Variants in NIF3L1 observed in about 807,000 individuals in gnomAD.
NIF3L1 encodes NIF3-like protein 1.
Under a neutral mutation model 35.0 loss-of-function variants are expected in NIF3L1, and 26 were observed. The ratio of observed to expected loss-of-function variants is 0.74; its 90% CI spans 0.54 to 1.03. NIF3L1 has a LOEUF of 1.03. NIF3L1 is among the 50% of genes least tolerant of loss of function. The probability of loss-of-function intolerance (pLI) is 0.00; values close to 1 mark genes in which losing one functional copy is unlikely to be tolerated. For synonymous variants in NIF3L1, 157 were observed against 178.9 expected (o/e 0.88, Z 0.98); for missense variants, 449 against 466.3 (o/e 0.96, Z 0.34).
chr2:200,892,014 C>G lies in NIF3L1; in HGVS notation c.71C>G (p.Ser24Cys). 6.2e-7 allele frequency: 1 copy of G among 1,614,168 alleles called. No homozygotes were observed. Among genetic ancestry groups the G allele is most frequent in the Non-Finnish European group, 8.5e-7 (1 of 1,179,998 alleles). ...GTAGATTCCCTGATCTGCAATTCTT[C>G]CCGTTCCTTCATGGATTTGAAGGCT... Reference protein sequence around the residue: ...RFVDSLICNSSRSFMDLKALL... With the variant: ...RFVDSLICNSCRSFMDLKALL... The change falls in exon 2 of 7, where the codon TCC (serine) becomes TGC (cysteine). Residue 24 changes from serine (S) to cysteine (C), a missense_variant. By Grantham distance (112) the Ser-to-Cys change is moderately radical. Transcript: ENST00000409020.
In NIF3L1 at chr2:200,903,555, T is replaced by C. The variant is rs1160818535; in HGVS notation, c.1011T>C (p.Cys337=). 3 of 1,614,000 alleles carry C rather than the reference T, an allele frequency of 1.9e-6. No homozygotes were observed. Among genetic ancestry groups the C allele is most frequent in the Admixed American group, 1.7e-5 (1 of 59,996 alleles). Residue 337 remains cysteine (C), a synonymous_variant, in exon 7 of 7, where the codon TGT becomes TGC. Coordinates refer to ENST00000409020, the MANE Select transcript of NIF3L1 (RefSeq NM_001369441.2). The part of the protein sequence containing the change: ...AASQGINVIL[C]EHSNTERGFL... Reference sequence around the variant, plus strand: ...CCCAAGGAATAAATGTCATCCTCTGTGAACACAGCAACACTGAACGAGGCT... The same window carrying C: ...CCCAAGGAATAAATGTCATCCTCTGCGAACACAGCAACACTGAACGAGGCT...
Position 200,892,026 on chromosome 2 carries a change from T to A in NIF3L1, c.83T>A (p.Met28Lys), listed in dbSNP as rs905290484. 19 of 1,614,010 alleles carry A rather than the reference T, an allele frequency of 1.2e-5. No individual in the cohort carries two copies. The highest frequency in any genetic ancestry group is 1.5e-5 in the Non-Finnish European group (18 of 1,179,816). Residue 28 changes from methionine to lysine, a missense_variant, in exon 2 of 7, where the codon ATG becomes AAG. Coordinates refer to ENST00000409020, the MANE Select transcript of NIF3L1 (RefSeq NM_001369441.2). ...SLICNSSRSF[M>K]DLKALLSSLN... Reference sequence around the variant, plus strand: ...ATCTGCAATTCTTCCCGTTCCTTCATGGATTTGAAGGCTCTCCTTTCTTCC... The same window carrying A: ...ATCTGCAATTCTTCCCGTTCCTTCAAGGATTTGAAGGCTCTCCTTTCTTCC...
chr2:200,895,120 T>G (rs2040278804), intron 3 of NIF3L1, 144 bp from the exon 4 acceptor site: 5 of 732,398 alleles, frequency 6.8e-6, no homozygotes, highest in Non-Finnish European at 1.2e-5. Context: ...AGAAAATGGA[T>G]TAGTTTCAGA....
intron 5 of NIF3L1, among the ~76,000 whole-genome samples, chr2:200,898,189 C>T (rs186611743): frequency 7.2e-5 from 11 of 152,234 alleles, no homozygotes; most frequent in African/African-American, 2.2e-4. Flanking sequence ...TTTATTAGTT[C>T]GTTCTCACGC....
intron 1 of NIF3L1, 132 bp from the exon 2 acceptor site, chr2:200,891,786 G>T (rs1056184268): frequency 9.7e-6 from 6 of 619,898 alleles, no homozygotes; most frequent in Non-Finnish European, 1.7e-5. Flanking sequence ...GTTACAGTGT[G>T]CTGGTAAGTG....
At chr2:200,898,035 C>T (rs1437756627) in intron 5 of NIF3L1, among the ~76,000 whole-genome samples, 2 of 152,176 alleles carry the variant, frequency 1.3e-5, no homozygotes, top group Admixed American at 1.3e-4. Flanking sequence ...AAACCTAACT[C>T]AGAAGGTGGT....
rs2040287473 is a variant in NIF3L1 at position 200,895,390 on chromosome 2, G to T, written c.726G>T (p.Lys242Asn). Residue 242 changes from lysine to asparagine, a missense_variant and splice_region_variant, in exon 4 of 7, where the codon AAG becomes AAT. Lys to Asn is a moderately conservative substitution (Grantham distance 94). Coordinates refer to ENST00000409020, the MANE Select transcript of NIF3L1 (RefSeq NM_001369441.2). The part of the protein sequence containing the change: ...YQKTEILSLE[K>N]PLLLHTGMGR... ...AGACGGAAATTCTGTCACTGGAGAAGGTAATAAGAATATTTTGTATTTGAT... is the reference window on the plus strand; with the variant it reads ...AGACGGAAATTCTGTCACTGGAGAATGTAATAAGAATATTTTGTATTTGAT... 1.2e-6 allele frequency: 2 copies of T among 1,613,596 alleles called. 1 individual carries two copies. The highest frequency in any genetic ancestry group is 2.2e-5 in the South Asian group (2 of 91,080).
chr2:200,893,606 C>CT (rs2040244984), intron 3 of NIF3L1, among the ~76,000 whole-genome samples, 198 bp downstream of exon 3: 1 of 152,082 alleles, frequency 6.6e-6, no homozygotes, highest in African/African-American at 2.4e-5. Flanking sequence ...GTAAGTAACA[C>CT]TAAGTATTTT....
chr2:200,902,192 T>A (rs964671375), intron 6 of NIF3L1, among the ~76,000 whole-genome samples: 1 of 152,236 alleles, frequency 6.6e-6, no homozygotes, highest in African/African-American at 2.4e-5. Context: ...TTGTACTTTT[T>A]AAAGAACAAA....
intron 6 of NIF3L1, among the ~76,000 whole-genome samples, chr2:200,902,604 A>G (rs2040426953): frequency 6.6e-6 from 1 of 152,162 alleles, no homozygotes; most frequent in African/African-American, 2.4e-5. Flanking sequence ...AATTCAGAAT[A>G]TGAATTTTCC....
At position 200,893,365 on chromosome 2, in the gene NIF3L1, G is replaced by A. The variant is rs1384494331; in HGVS notation, c.556G>A (p.Val186Met). 1.5e-5 allele frequency: 25 copies of A among 1,613,850 alleles called. No individual in the cohort carries two copies. The highest frequency in any genetic ancestry group is 2.1e-5 in the Non-Finnish European group (25 of 1,179,950). The change falls in exon 3 of 7, where the codon GTG (valine) becomes ATG (methionine). Residue 186 changes from valine (V) to methionine (M), a missense_variant. Coordinates refer to ENST00000409020, the MANE Select transcript of NIF3L1 (RefSeq NM_001369441.2). ...AGACCTGGACAAAGTCATGTCTGCA[G>A]TGAAAGGAATTGACGGTGTTTCTGT... ...TQDLDKVMSA[V>M]KGIDGVSVTS...
Position 200,895,258 on chromosome 2 carries a change from C to T in NIF3L1, c.600-6C>T. 6.2e-7 allele frequency: 1 copy of T among 1,613,456 alleles called. No individual in the cohort carries two copies. The highest frequency in any genetic ancestry group is 8.5e-7 in the Non-Finnish European group (1 of 1,179,546). ...TGTCCTAAATGGAGTGATTTTTCCC[C>T]CCTAGGACTGGTAATGAGGAACAAA... is the stretch of plus-strand genomic sequence containing the variant. On this transcript the variant is annotated splice_region_variant and splice_polypyrimidine_tract_variant and intron_variant, in intron 3 of 6. Transcript: ENST00000409020.
Position 200,892,308 on chromosome 2 carries a change from G to C in NIF3L1, c.365G>C (p.Gly122Ala), listed in dbSNP as rs775102272. Residue 122 changes from glycine to alanine, a missense_variant, in exon 2 of 7, where the codon GGT (glycine) becomes GCT (alanine). By Grantham distance (60) the Gly-to-Ala change is moderately conservative. Transcript: ENST00000409020. ...ATCCGGGCTCTGGAGAACAGAGTCG[G>C]TATCTACTCTCCTCATACAGCCTAT... ...LVIRALENRV[G>A]IYSPHTAYDA... 2.3e-5 allele frequency: 37 copies of C among 1,613,638 alleles called. No homozygotes were observed. The highest frequency in any genetic ancestry group is 3.1e-5 in the Non-Finnish European group (37 of 1,180,032).
At chr2:200,899,154 CACA>C (rs2040369211) in intron 5 of NIF3L1, 2 of 317,820 alleles carry the variant, frequency 6.3e-6, no homozygotes, top group Non-Finnish European at 1.1e-5. Context: ...AAAAAAAAAA[CACA>C]ACAAAGGAAT....
intron 2 of NIF3L1, among the ~76,000 whole-genome samples, chr2:200,892,684 G>A (rs943846433): frequency 1.3e-5 from 2 of 152,188 alleles, no homozygotes; most frequent in African/African-American, 4.8e-5. Flanking sequence ...TGAATTGAAA[G>A]CTCAGGCCTC....
Position 200,890,274 on chromosome 2 carries a change from G to T in NIF3L1, c.-27+622G>T, listed in dbSNP as rs184421429. On this transcript the variant is annotated intron_variant, in intron 1 of 6. Coordinates refer to ENST00000409020, the MANE Select transcript of NIF3L1 (RefSeq NM_001369441.2). Reference sequence around the variant, plus strand: ...TCAGGAGGCTGAGGTGGGAGGATCTGCTTGAGCTCAGGAAGTCGAGGCTGC... The same window carrying T: ...TCAGGAGGCTGAGGTGGGAGGATCTTCTTGAGCTCAGGAAGTCGAGGCTGC... Among the ~76,000 whole-genome samples, 1,466 of 152,222 alleles carry T rather than the reference G, an allele frequency of 9.6e-3. 19 individuals carry two copies. The highest frequency in any genetic ancestry group is 0.034 in the African/African-American group (1,400 of 41,526).
chr2:200,892,487 C>T, intron 2 of NIF3L1, 108 bp downstream of exon 2: 3 of 729,086 alleles, frequency 4.1e-6, no homozygotes, highest in Non-Finnish European at 6.2e-6. Flanking sequence ...GGGCATGATT[C>T]CATTTTTATA....
At chr2:200,891,045 G>A (rs191758779) in intron 1 of NIF3L1, among the ~76,000 whole-genome samples, 13 of 148,104 alleles carry the variant, frequency 8.8e-5, no homozygotes, top group African/African-American at 2.0e-4. Flanking sequence ...TGCAACCTCC[G>A]CCTCCCAGGT....
intron 4 of NIF3L1, 127 bp from the exon 5 acceptor site, chr2:200,896,949 G>C (rs1196209570): frequency 3.4e-6 from 3 of 875,136 alleles, no homozygotes. Context: ...GATTTTGTCA[G>C]GTTTGTATCC....
Sources: allele counts gnomAD v4.1 joint callset (sites outside exome capture counted in the v4.1 genomes callset), GRCh38; gene constraint gnomAD v4.1.1; transcripts MANE v1.5; gene names NCBI Gene and HGNC (gene_info 2026-07-23, HGNC 2026-07-21).